LY86: variants seen among roughly 807,000 people sequenced by gnomAD.
LY86 encodes the protein MD-1, RP105-associated.
In LY86, 20 loss-of-function variants were observed where a neutral mutation model predicts 17.3. The observed-to-expected ratio is 1.15, with a 90% CI of 0.81 to 1.68. The LOEUF is 1.68. Ranked by LOEUF, LY86 falls within the 40% of genes most tolerant of loss-of-function variation. The probability of loss-of-function intolerance (pLI) is 0.00; values close to 1 mark genes in which losing one functional copy is unlikely to be tolerated. For synonymous variants in LY86, 74 were observed against 70.6 expected, an observed-to-expected ratio of 1.05 and a Z score of -0.24; for missense variants, 200 against 191.9, an observed-to-expected ratio of 1.04 and a Z score of -0.25.
At chr6:6,604,416 T>C (rs1761027639) in intron 1 of LY86, among the ~76,000 whole-genome samples, 1 of 152,158 alleles carries the variant, frequency 6.6e-6, no homozygotes. Context: ...ATAAGACCCT[T>C]TAAAATGCAA....
chr6:6,643,978 A>C (rs1393965386), intron 3 of LY86, among the ~76,000 whole-genome samples: 1 of 152,272 alleles, frequency 6.6e-6, no homozygotes, highest in Admixed American at 6.5e-5. Context: ...TTTTTTAAAC[A>C]AAAATATTTG....
chr6:6,622,826 C>G (rs1761710129), intron 1 of LY86: 1 of 152,220 alleles, frequency 6.6e-6, no homozygotes, highest in African/African-American at 2.4e-5. Context: ...TGCCTGCACA[C>G]AAAATATTCT....
chr6:6,610,698 G>GTGTGTGTGCATTCTCA (rs1761310421), intron 1 of LY86, among the ~76,000 whole-genome samples: 2 of 152,174 alleles, frequency 1.3e-5, no homozygotes, highest in Non-Finnish European at 2.9e-5. Flanking sequence ...TTTGTGGGGT[G>GTGTGTGTGCATTCTCA]TGTGTGTGCA....
rs937028061 is a variant in LY86 at position 6,631,325 on chromosome 6, G to C, written c.352+4904G>C. 5.3e-5 allele frequency among the ~76,000 whole-genome samples: 8 copies of C among 152,184 alleles called. No homozygotes were observed. In the South Asian group the frequency reaches 1.4e-3, roughly 28 times the overall value. ...ACTTACCCAAGGTCACAAAGCCAGC[G>C]GGGGGTGGAACTGGGTTTCTGTCCA... On this transcript the variant is annotated intron_variant, in intron 3 of 4. Coordinates refer to ENST00000230568, the MANE Select transcript of LY86 (RefSeq NM_004271.4).
intron 1 of LY86, among the ~76,000 whole-genome samples, 172 bp downstream of exon 1, chr6:6,589,042 A>C (rs1321845234): frequency 6.6e-6 from 1 of 152,122 alleles, no homozygotes; most frequent in Non-Finnish European, 1.5e-5. Context: ...TGGAAGAAGG[A>C]GCGGTGGGGC....
intron 1 of LY86, among the ~76,000 whole-genome samples, chr6:6,602,808 G>A (rs112413518): frequency 1.2e-3 from 185 of 152,252 alleles, no homozygotes; most frequent in African/African-American, 4.2e-3. Flanking sequence ...TCAGCACTCC[G>A]ACTTAACTGT....
chr6:6,594,206 G>T (rs146662853), intron 1 of LY86, among the ~76,000 whole-genome samples: 177 of 152,334 alleles, frequency 1.2e-3, no homozygotes, highest in African/African-American at 4.0e-3. Flanking sequence ...GGACAGAGAA[G>T]TGGCTCCTAG....
intron 1 of LY86, among the ~76,000 whole-genome samples, chr6:6,608,052 G>A (rs12660181): frequency 0.095 from 14,385 of 152,210 alleles, 745 homozygotes; most frequent in East Asian, 0.15. Flanking sequence ...TAGATCTACA[G>A]TGAACAATAC....
intron 1 of LY86, among the ~76,000 whole-genome samples, chr6:6,623,936 C>A (rs1482042079): frequency 6.6e-6 from 1 of 152,214 alleles, no homozygotes; most frequent in Admixed American, 6.5e-5. Context: ...CAGAGTGATA[C>A]ATGTTTGTAC....
chr6:6,610,495 T>C (rs957708790), intron 1 of LY86, among the ~76,000 whole-genome samples: 2 of 152,040 alleles, frequency 1.3e-5, no homozygotes, highest in Non-Finnish European at 2.9e-5. Context: ...GCATGAAGCT[T>C]AAAATAGTGC....
intron 3 of LY86, 45 bp downstream of exon 3, chr6:6,626,466 G>C (rs1761791167): frequency 6.2e-7 from 1 of 1,606,260 alleles, no homozygotes; most frequent in Non-Finnish European, 8.5e-7. Context: ...CCTGCAGAGA[G>C]ATAAACTCGA....
At chr6:6,618,591 T>G (rs1396172754) in intron 1 of LY86, among the ~76,000 whole-genome samples, 1 of 152,228 alleles carries the variant, frequency 6.6e-6, no homozygotes, top group Non-Finnish European at 1.5e-5. Flanking sequence ...ATAGTCGATA[T>G]TCCATTATGA....
intron 1 of LY86, among the ~76,000 whole-genome samples, chr6:6,605,406 C>G (rs1005796455): frequency 3.3e-5 from 5 of 152,190 alleles, no homozygotes; most frequent in Admixed American, 1.3e-4. Context: ...GTGAGTACAT[C>G]GCAATGAACA....
chr6:6,614,997 G>A (rs952191354), intron 1 of LY86, among the ~76,000 whole-genome samples: 7 of 152,168 alleles, frequency 4.6e-5, no homozygotes, highest in African/African-American at 1.7e-4. Flanking sequence ...CATAAATTCT[G>A]TACACCTTGT....
chr6:6,591,283 T>C (rs1760516806), intron 1 of LY86: 1 of 153,782 alleles, frequency 6.5e-6, no homozygotes. Context: ...AGGTGAAGTT[T>C]CCCCATGGAG....
chr6:6,636,793 T>C (rs1761964453), intron 3 of LY86, among the ~76,000 whole-genome samples: 2 of 152,034 alleles, frequency 1.3e-5, no homozygotes, highest in East Asian at 3.9e-4. Flanking sequence ...GATTTCCTGC[T>C]TGTAAATACC....
chr6:6,597,174 G>A (rs2113080907), intron 1 of LY86, among the ~76,000 whole-genome samples: 1 of 152,334 alleles, frequency 6.6e-6, no homozygotes, highest in Middle Eastern at 3.4e-3. Flanking sequence ...AGGCCCGCAG[G>A]AGGGGGAGTG....
intron 3 of LY86, among the ~76,000 whole-genome samples, chr6:6,627,015 C>T (rs944658282): frequency 6.6e-6 from 1 of 152,152 alleles, no homozygotes; most frequent in African/African-American, 2.4e-5. Flanking sequence ...CACCTTCCCC[C>T]ACCTGTCCCC....
intron 3 of LY86, among the ~76,000 whole-genome samples, chr6:6,645,299 A>C (rs956763200): frequency 6.6e-6 from 1 of 152,182 alleles, no homozygotes. Flanking sequence ...ACCTGGGTAA[A>C]TAATAATATA....
Sources: allele counts gnomAD v4.1 joint callset (sites outside exome capture counted in the v4.1 genomes callset), GRCh38; gene constraint gnomAD v4.1.1; transcripts MANE v1.5; gene names NCBI Gene and HGNC (gene_info 2026-07-23, HGNC 2026-07-21).